VKORC1L1: variants seen among roughly 807,000 people sequenced by gnomAD.
VKORC1L1 encodes vitamin K epoxide reductase complex subunit 1L1.
VKORC1L1 carries 2 observed loss-of-function variants against 18.9 expected under a neutral mutation model. The observed-to-expected ratio is 0.11, with a 90% CI of 0.04 to 0.33. The LOEUF (loss-of-function observed/expected upper bound fraction) is 0.33. Ranked by LOEUF, VKORC1L1 falls within the 10% of genes least tolerant of loss-of-function variation. The probability of loss-of-function intolerance (pLI) is 1.00; values close to 1 mark genes in which losing one functional copy is unlikely to be tolerated. For missense variants in VKORC1L1, 123 were observed against 224.1 expected, an observed-to-expected ratio of 0.55 and a Z score of 2.88; for synonymous variants, 96 against 100.0, an observed-to-expected ratio of 0.96 and a Z score of 0.24.
chr7:65,890,014 A>G (rs1398034355), intron 1 of VKORC1L1, among the ~76,000 whole-genome samples: 3 of 151,918 alleles, frequency 2.0e-5, no homozygotes, highest in African/African-American at 7.3e-5. Context: ...CTGGAGTACA[A>G]TGGCATGATC....
At chr7:65,868,712 A>G (rs1190120565), upstream of VKORC1L1, among the ~76,000 whole-genome samples, 1 of 152,234 alleles carries the variant, frequency 6.6e-6, no homozygotes, top group Non-Finnish European at 1.5e-5. Context: ...CAGTGAAATA[A>G]TTCAGAAACA....
the VKORC1L1 span, among the ~76,000 whole-genome samples, chr7:65,866,862 GGAAGAGGAGGAGGGGGAA>G: frequency 6.6e-6 from 1 of 152,038 alleles, no homozygotes; most frequent in African/African-American, 2.4e-5. Flanking sequence ...CTGTCGAGGA[GGAAGAGGAGGAGGGGGAA>G]GAAGAGGAGG....
At chr7:65,941,684 T>C (rs1484280914) in intron 1 of VKORC1L1, among the ~76,000 whole-genome samples, 1 of 143,234 alleles carries the variant, frequency 7.0e-6, no homozygotes, top group Admixed American at 7.0e-5. Context: ...TTTTTTTTTT[T>C]TTTTTTTTTT....
chr7:65,943,701 A>T (rs527552436), intron 1 of VKORC1L1, among the ~76,000 whole-genome samples: 1 of 152,350 alleles, frequency 6.6e-6, no homozygotes, highest in East Asian at 1.9e-4. Context: ...AGGCTAAGGC[A>T]GGAGAATCCC....
intron 1 of VKORC1L1, among the ~76,000 whole-genome samples, chr7:65,944,779 C>T (rs1790089992): frequency 1.3e-5 from 2 of 151,494 alleles, no homozygotes; most frequent in African/African-American, 4.9e-5. Flanking sequence ...TAGCCAGGCA[C>T]GGTGGTGGAT....
the VKORC1L1 span, among the ~76,000 whole-genome samples, chr7:65,866,464 G>A: frequency 1.3e-5 from 2 of 152,170 alleles, no homozygotes; most frequent in African/African-American, 4.8e-5. Context: ...GTGGACTGTG[G>A]ACTGTGGGCA....
upstream of VKORC1L1, among the ~76,000 whole-genome samples, chr7:65,871,031 C>T (rs1160117539): frequency 6.6e-6 from 1 of 152,208 alleles, no homozygotes; most frequent in Non-Finnish European, 1.5e-5. Flanking sequence ...AGCAATCCTC[C>T]TGCCTCAGCC....
intron 1 of VKORC1L1, among the ~76,000 whole-genome samples, chr7:65,886,739 G>A (rs1480337091): frequency 6.7e-6 from 1 of 150,176 alleles, no homozygotes; most frequent in African/African-American, 2.4e-5. Context: ...GGGTTTCACC[G>A]TGTTAGCCAG....
chr7:65,940,892 A>C (rs1790021746), intron 1 of VKORC1L1, among the ~76,000 whole-genome samples: 1 of 152,206 alleles, frequency 6.6e-6, no homozygotes, highest in Non-Finnish European at 1.5e-5. Context: ...GAGCCCTAAA[A>C]ATACCAGAGC....
In VKORC1L1 at chr7:65,930,341, A is replaced by G. The variant is rs142725676; in HGVS notation, c.195-18330A>G. Among the ~76,000 whole-genome samples the G allele has an allele frequency of 1.3e-4, 20 of 152,342 alleles. No individual in the cohort carries two copies. In the East Asian group the frequency reaches 3.7e-3, roughly 28 times the overall value. ...TAGAGTGGAAGAAAGAAAAGACTTC[A>G]GGTGTGCCCTGACTGGAAGTTGTTG... On this transcript the variant is annotated intron_variant, in intron 1 of 2. Coordinates refer to ENST00000360768, the MANE Select transcript of VKORC1L1 (RefSeq NM_173517.6).
intron 1 of VKORC1L1, among the ~76,000 whole-genome samples, chr7:65,940,707 AG>A (rs1740916833): frequency 6.6e-5 from 10 of 152,346 alleles, no homozygotes. Context: ...ATTGCTCAGA[AG>A]GGGTTCAGAA....
chr7:65,878,696 A>C (rs1367385410), intron 1 of VKORC1L1, among the ~76,000 whole-genome samples: 1 of 152,124 alleles, frequency 6.6e-6, no homozygotes, highest in East Asian at 1.9e-4. Flanking sequence ...CGAGGTCGGG[A>C]GATCAAGACC....
At chr7:65,902,533 AT>A (rs1789335737) in intron 1 of VKORC1L1, among the ~76,000 whole-genome samples, 1 of 152,164 alleles carries the variant, frequency 6.6e-6, no homozygotes, top group South Asian at 2.1e-4. Flanking sequence ...AGTCTAACAT[AT>A]GTGTAATTGG....
chr7:65,886,000 G>A (rs1233874137), intron 1 of VKORC1L1, among the ~76,000 whole-genome samples: 3 of 152,178 alleles, frequency 2.0e-5, no homozygotes, highest in African/African-American at 7.2e-5. Context: ...GGAGCATATC[G>A]TATCTGTTTA....
intron 1 of VKORC1L1, among the ~76,000 whole-genome samples, chr7:65,944,439 A>G (rs920185690): frequency 6.6e-6 from 1 of 152,134 alleles, no homozygotes; most frequent in Non-Finnish European, 1.5e-5. Flanking sequence ...ATGAAACAAG[A>G]AAGGCGTAAT....
chr7:65,873,890 G>T (rs1039745186), intron 1 of VKORC1L1, among the ~76,000 whole-genome samples: 2 of 152,152 alleles, frequency 1.3e-5, no homozygotes, highest in Non-Finnish European at 2.9e-5. Context: ...AGCGCGAGGG[G>T]GCTGCGGAGG....
intron 1 of VKORC1L1, among the ~76,000 whole-genome samples, chr7:65,913,582 C>T (rs1025744282): frequency 2.6e-4 from 39 of 151,538 alleles, no homozygotes; most frequent in African/African-American, 3.9e-4. Context: ...AAAAATTAGC[C>T]GGGTGTGGTG....
chr7:65,918,659 T>C (rs1403978729), intron 1 of VKORC1L1, among the ~76,000 whole-genome samples: 1 of 152,222 alleles, frequency 6.6e-6, no homozygotes, highest in Non-Finnish European at 1.5e-5. Context: ...ACCTATGGTG[T>C]CAGTTAAGGC....
intron 1 of VKORC1L1, among the ~76,000 whole-genome samples, chr7:65,931,848 G>T (rs962255892): frequency 2.0e-5 from 3 of 151,982 alleles, no homozygotes; most frequent in Non-Finnish European, 4.4e-5. Context: ...CACCATGTTG[G>T]CCAGGCTGGT....
Sources: allele counts gnomAD v4.1 joint callset (sites outside exome capture counted in the v4.1 genomes callset), GRCh38; gene constraint gnomAD v4.1.1; transcripts MANE v1.5; gene names NCBI Gene and HGNC (gene_info 2026-07-23, HGNC 2026-07-21).